DMD: variants seen among roughly 807,000 people sequenced by gnomAD.
The protein encoded by DMD is mutant dystrophin.
Under a neutral mutation model 330.1 loss-of-function variants are expected in DMD, and 63 were observed. That is an observed-to-expected ratio of 0.19 (90% CI 0.16 to 0.24). The LOEUF is 0.24. Among genes scored for constraint, DMD ranks in the 10% least tolerant of loss-of-function variants. The pLI, the probability that DMD is intolerant of heterozygous loss-of-function variation, is 1.00. For synonymous variants in DMD, 1,223 were observed against 959.8 expected, an observed-to-expected ratio of 1.27 and a Z score of -5.07; for missense variants, 3,344 against 2,684.1, an observed-to-expected ratio of 1.25 and a Z score of -5.43.
intron 9 of DMD, among the ~76,000 whole-genome samples, chrX:32,675,097 C>T (rs1363521470): frequency 2.7e-5 from 3 of 111,327 alleles, no homozygotes; most frequent in African/African-American, 9.8e-5. Context: ...TAGTTAATTG[C>T]TGTTAGTCAA....
intron 44 of DMD, among the ~76,000 whole-genome samples, chrX:32,203,164 T>C (rs1162041256): frequency 1.8e-5 from 2 of 112,397 alleles, no homozygotes; most frequent in Non-Finnish European, 3.8e-5. Context: ...CAGACTGAGG[T>C]CATCTCTTCT....
At chrX:31,182,714 C>A in intron 68 of DMD, 24 bp downstream of exon 68, 1 of 992,347 alleles carries the variant, frequency 1.0e-6, no homozygotes, top group Non-Finnish European at 1.4e-6. Context: ...AAAAAAATGA[C>A]ATTTTTTTTT....
At chrX:32,979,627 G>C (rs930657017) in intron 2 of DMD, among the ~76,000 whole-genome samples, 4 of 111,890 alleles carry the variant, frequency 3.6e-5, no homozygotes, top group Non-Finnish European at 7.5e-5. Flanking sequence ...AGAAAACAAA[G>C]AAGAGTCAAT....
chrX:33,143,682 T>C (rs1214448687), intron 1 of DMD, among the ~76,000 whole-genome samples: 1 of 111,983 alleles, frequency 8.9e-6, no homozygotes, highest in Non-Finnish European at 1.9e-5. Flanking sequence ...GAGGTTTTCC[T>C]TTTATGTGGC....
At chrX:32,269,141 G>A (rs1311808007) in intron 43 of DMD, among the ~76,000 whole-genome samples, 1 of 110,852 alleles carries the variant, frequency 9.0e-6, no homozygotes, top group East Asian at 2.9e-4. Context: ...TAGTGTAACT[G>A]GTATACGACC....
At chrX:31,623,222 C>A (rs761125702) in intron 55 of DMD, among the ~76,000 whole-genome samples, 3 of 110,753 alleles carry the variant, frequency 2.7e-5, no homozygotes, top group Middle Eastern at 9.2e-3. Flanking sequence ...TTAATCCGTG[C>A]GCCAAAATTT....
intron 61 of DMD, among the ~76,000 whole-genome samples, chrX:31,331,514 T>C (rs1216878646): frequency 9.1e-6 from 1 of 110,091 alleles, no homozygotes; most frequent in African/African-American, 3.3e-5. Flanking sequence ...ATTAGAAGAG[T>C]AAGAAAGCAA....
At chrX:33,200,752 T>C (rs1042310131) in intron 1 of DMD, among the ~76,000 whole-genome samples, 1 of 110,276 alleles carries the variant, frequency 9.1e-6, no homozygotes, top group Non-Finnish European at 1.9e-5. Flanking sequence ...AATATATTTC[T>C]GAATTAAGGC....
At chrX:32,454,411 T>A (rs1450773824) in intron 26 of DMD, among the ~76,000 whole-genome samples, 1 of 111,185 alleles carries the variant, frequency 9.0e-6, no homozygotes, top group Non-Finnish European at 1.9e-5. Context: ...CTACATGATT[T>A]CAAGGGAAAA....
intron 6 of DMD, 27 bp downstream of exon 6, chrX:32,816,441 T>A (rs900143577): frequency 8.3e-7 from 1 of 1,205,488 alleles, no homozygotes; most frequent in African/African-American, 1.8e-5. Context: ...TTTTACAAGT[T>A]ATTTAATGTC....
At chrX:32,529,162 T>G (rs2047219753) in intron 17 of DMD, among the ~76,000 whole-genome samples, 2 of 106,177 alleles carry the variant, frequency 1.9e-5, no homozygotes, top group South Asian at 8.4e-4. Context: ...CCTGACCTTG[T>G]GATCCGCCCG....
chrX:32,359,130 C>T (rs1310738785), intron 37 of DMD, among the ~76,000 whole-genome samples: 6 of 111,296 alleles, frequency 5.4e-5, no homozygotes, highest in Non-Finnish European at 9.4e-5. Flanking sequence ...TTGCTGAGGC[C>T]AAAATTAACA....
At chrX:31,619,400 CTTTA>C (rs987486914) in intron 55 of DMD, among the ~76,000 whole-genome samples, 61 of 111,274 alleles carry the variant, frequency 5.5e-4, no homozygotes, top group African/African-American at 1.9e-3. Context: ...AGTTATTATT[CTTTA>C]TTAATTAATA....
Position 32,565,866 on chromosome X carries a change from G to C in DMD, c.1828C>G (p.Leu610Val). The change falls in exon 16 of 79, where the codon CTA (leucine) becomes GTA (valine). Residue 610 changes from leucine to valine, a missense_variant. Leu to Val is a conservative substitution (Grantham distance 32). Transcript: ENST00000357033. ...CCCATGGATTGCTTTTTCTTTTCTA[G>C]ATCCGCTTTTAAAACCTGTTAAAAC... ...LQKLAVLKAD[L>V]EKKKQSMGKL... is the part of the protein sequence containing the mutation. 1 of 1,210,192 alleles carries C rather than the reference G, an allele frequency of 8.3e-7. No individual in the cohort carries two copies. Among genetic ancestry groups the C allele is most frequent in the East Asian group, 3.0e-5 (1 of 33,775 alleles).
At chrX:32,723,738 A>G (rs1253082397) in intron 7 of DMD, among the ~76,000 whole-genome samples, 2 of 110,904 alleles carry the variant, frequency 1.8e-5, no homozygotes, top group African/African-American at 6.5e-5. Context: ...TCATTTCATT[A>G]TGTCTATGTA....
intron 2 of DMD, among the ~76,000 whole-genome samples, chrX:32,856,422 CAAAT>C (rs1365717134): frequency 9.0e-6 from 1 of 111,497 alleles, no homozygotes; most frequent in Non-Finnish European, 1.9e-5. Flanking sequence ...TATCCATTAA[CAAAT>C]GAATGGATAA....
At chrX:32,198,884 C>T (rs1031184955) in intron 44 of DMD, among the ~76,000 whole-genome samples, 11 of 112,096 alleles carry the variant, frequency 9.8e-5, no homozygotes, top group African/African-American at 2.9e-4. Context: ...TATTTAGCTT[C>T]GTGTTGCCTT....
intron 67 of DMD, among the ~76,000 whole-genome samples, chrX:31,201,197 A>ACG (rs1556209897): frequency 2.8e-5 from 3 of 107,283 alleles, no homozygotes; most frequent in Non-Finnish European, 5.8e-5. Flanking sequence ...ACACACACAC[A>ACG]CGCACACACA....
chrX:31,885,725 A>G (rs1790165946), intron 47 of DMD, among the ~76,000 whole-genome samples: 1 of 110,898 alleles, frequency 9.0e-6, no homozygotes, highest in Non-Finnish European at 1.9e-5. Flanking sequence ...TATACCCTTA[A>G]TACTTAGTAT....
Sources: allele counts gnomAD v4.1 joint callset (sites outside exome capture counted in the v4.1 genomes callset), GRCh38; gene constraint gnomAD v4.1.1; transcripts MANE v1.5; gene names NCBI Gene and HGNC (gene_info 2026-07-23, HGNC 2026-07-21).